The following FGF14 variants were observed in gnomAD, a reference collection of about 807,000 sequenced individuals.
The protein encoded by FGF14 is fibroblast growth factor homologous factor 4.
In FGF14, 5 loss-of-function variants were observed where a neutral mutation model predicts 25.5. The ratio of observed to expected loss-of-function variants is 0.20; its 90% CI spans 0.10 to 0.41. The LOEUF is 0.41. Among genes scored for constraint, FGF14 ranks in the 10% least tolerant of loss-of-function variants. The pLI, the probability that FGF14 is intolerant of heterozygous loss-of-function variation, is 1.00. For synonymous variants in FGF14, 138 were observed against 118.3 expected (o/e 1.17, Z -1.08); for missense variants, 222 against 320.1 (o/e 0.69, Z 2.34).
chr13:102,148,494 G>C (rs1017555105), intron 1 of FGF14, among the ~76,000 whole-genome samples: 1 of 152,156 alleles, frequency 6.6e-6, no homozygotes, highest in South Asian at 2.1e-4. Context: ...AGTTTCCTGA[G>C]GTTCAATTTA....
At chr13:102,287,067 T>A (rs1290985479) in intron 1 of FGF14, among the ~76,000 whole-genome samples, 3 of 152,128 alleles carry the variant, frequency 2.0e-5, no homozygotes, top group Non-Finnish European at 4.4e-5. Context: ...ACATGGCACA[T>A]GTATACATAT....
chr13:102,216,807 TC>T (rs141496478), intron 1 of FGF14, among the ~76,000 whole-genome samples: 1,546 of 152,160 alleles, frequency 0.01, 34 homozygotes, highest in African/African-American at 0.034. Context: ...ACCATCCTCT[TC>T]CTCCCCTGAC....
chr13:101,832,681 C>G (rs1260357170), intron 3 of FGF14, among the ~76,000 whole-genome samples: 1 of 151,930 alleles, frequency 6.6e-6, no homozygotes, highest in South Asian at 2.1e-4. Context: ...CTCCCTACCC[C>G]GCTTTCATGT....
intron 1 of FGF14, among the ~76,000 whole-genome samples, chr13:102,393,568 G>C (rs2058487580): frequency 6.6e-6 from 1 of 152,150 alleles, no homozygotes; most frequent in Non-Finnish European, 1.5e-5. Context: ...AAATAAACTA[G>C]TGAAGATACC....
chr13:102,289,824 G>A (rs1248911291), intron 1 of FGF14, among the ~76,000 whole-genome samples: 1 of 151,922 alleles, frequency 6.6e-6, no homozygotes, highest in African/African-American at 2.4e-5. Context: ...ATAATTTATG[G>A]TTCTCTTAAT....
At chr13:101,984,292 T>A (rs2038438068) in intron 1 of FGF14, among the ~76,000 whole-genome samples, 2 of 152,308 alleles carry the variant, frequency 1.3e-5, no homozygotes, top group African/African-American at 4.8e-5. Context: ...AAAATGCACA[T>A]ATAATTGGTT....
intron 1 of FGF14, among the ~76,000 whole-genome samples, chr13:102,029,224 C>T (rs907731762): frequency 2.6e-5 from 4 of 151,980 alleles, no homozygotes; most frequent in African/African-American, 4.8e-5. Context: ...TTAGAGCAGA[C>T]GTTCTTATGT....
intron 1 of FGF14, among the ~76,000 whole-genome samples, chr13:102,094,547 T>C (rs2044306097): frequency 6.6e-6 from 1 of 152,140 alleles, no homozygotes; most frequent in Non-Finnish European, 1.5e-5. Context: ...GTAATGAAGA[T>C]AAGCAAGCAC....
intron 3 of FGF14, among the ~76,000 whole-genome samples, chr13:101,840,845 A>C (rs2043160698): frequency 6.6e-6 from 1 of 152,002 alleles, no homozygotes; most frequent in African/African-American, 2.4e-5. Context: ...GATAATAAAT[A>C]GTCTAACTGA....
At chr13:102,153,283 C>T (rs190774267) in intron 1 of FGF14, among the ~76,000 whole-genome samples, 5 of 152,204 alleles carry the variant, frequency 3.3e-5, no homozygotes, top group Admixed American at 2.6e-4. Context: ...TATGTAGATG[C>T]CCCTGATACG....
At chr13:102,201,511 T>A (rs777659679) in intron 1 of FGF14, among the ~76,000 whole-genome samples, 1 of 152,202 alleles carries the variant, frequency 6.6e-6, no homozygotes, top group Non-Finnish European at 1.5e-5. Flanking sequence ...GATTCACAAA[T>A]TTAATTCTTC....
At chr13:102,061,005 C>T (rs1175799913) in intron 1 of FGF14, among the ~76,000 whole-genome samples, 2 of 152,196 alleles carry the variant, frequency 1.3e-5, no homozygotes, top group Non-Finnish European at 2.9e-5. Flanking sequence ...GGGAGTTCGG[C>T]TAAGGGCCAT....
intron 1 of FGF14, among the ~76,000 whole-genome samples, chr13:102,209,008 C>A (rs1266890554): frequency 6.6e-6 from 1 of 152,232 alleles, no homozygotes; most frequent in Non-Finnish European, 1.5e-5. Context: ...GGAGAATTTA[C>A]AATGAGTTTC....
chr13:102,262,370 A>G (rs2052761165), intron 1 of FGF14, among the ~76,000 whole-genome samples: 1 of 152,052 alleles, frequency 6.6e-6, no homozygotes, highest in Admixed American at 6.6e-5. Context: ...CTTTCAACCA[A>G]TCAAACTTAA....
intron 1 of FGF14, among the ~76,000 whole-genome samples, chr13:102,100,237 A>T (rs560577837): frequency 4.6e-5 from 7 of 152,154 alleles, no homozygotes; most frequent in Non-Finnish European, 7.4e-5. Flanking sequence ...GTCAAAGAAA[A>T]ATTATATATG....
chr13:102,195,314 T>C (rs1005026595), intron 1 of FGF14, among the ~76,000 whole-genome samples: 1 of 152,134 alleles, frequency 6.6e-6, no homozygotes, highest in South Asian at 2.1e-4. Context: ...GATGGACTTA[T>C]AATCTGTAAA....
Position 101,729,132 on chromosome 13 carries a change from G to A in FGF14, c.409-2322C>T, listed in dbSNP as rs577862072. Reference sequence around the variant, plus strand: ...ATTCCACAGCACCTTTCTGTGAGCTGTGCCCGTGACTTCACAGATAGGTGA... The same window carrying A: ...ATTCCACAGCACCTTTCTGTGAGCTATGCCCGTGACTTCACAGATAGGTGA... On this transcript the variant is annotated intron_variant, in intron 3 of 4. Coordinates refer to ENST00000376143, the MANE Select transcript of FGF14 (RefSeq NM_004115.4). 1.2e-4 allele frequency among the ~76,000 whole-genome samples: 19 copies of A among 152,186 alleles called. No homozygotes were observed. In the South Asian group the frequency reaches 3.9e-3, roughly 32 times the overall value.
chr13:102,300,043 C>T (rs1282803318), intron 1 of FGF14: 1 of 152,100 alleles, frequency 6.6e-6, no homozygotes, highest in Non-Finnish European at 1.5e-5. Flanking sequence ...GCTAACTGTT[C>T]TACCACCAAA....
intron 1 of FGF14, among the ~76,000 whole-genome samples, chr13:101,877,295 G>A (rs1274144083): frequency 6.6e-6 from 1 of 152,182 alleles, no homozygotes; most frequent in East Asian, 1.9e-4. Context: ...GATTCATCTG[G>A]TTACATATTG....
Sources: allele counts gnomAD v4.1 joint callset (sites outside exome capture counted in the v4.1 genomes callset), GRCh38; gene constraint gnomAD v4.1.1; transcripts MANE v1.5; gene names NCBI Gene and HGNC (gene_info 2026-07-23, HGNC 2026-07-21).